Variants in MACROD2 observed in about 807,000 individuals in gnomAD.
The protein encoded by MACROD2 is mono-ADP ribosylhydrolase 2, also known as ADP-ribose glycohydrolase MACROD2.
MACROD2 carries 36 observed loss-of-function variants against 70.4 expected under a neutral mutation model. The ratio of observed to expected loss-of-function variants is 0.51; its 90% confidence interval spans 0.39 to 0.68. The LOEUF (loss-of-function observed/expected upper bound fraction) is 0.68. Among genes scored for constraint, MACROD2 ranks in the 30% least tolerant of loss-of-function variants. The pLI is 0.00. For missense variants in MACROD2, 496 were observed against 538.4 expected (o/e 0.92, Z 0.78); for synonymous variants, 172 against 178.8 (o/e 0.96, Z 0.30).
At chr20:14,465,081 G>T (rs937380342) in intron 3 of MACROD2, among the ~76,000 whole-genome samples, 6 of 151,938 alleles carry the variant, frequency 3.9e-5, no homozygotes, top group African/African-American at 1.5e-4. Context: ...TTCCATTCCT[G>T]GATATCCTTG....
chr20:14,954,122 C>A (rs192473711), intron 5 of MACROD2, among the ~76,000 whole-genome samples: 20 of 152,102 alleles, frequency 1.3e-4, no homozygotes, highest in African/African-American at 4.6e-4. Context: ...GGTGTTAAAA[C>A]AAGTTTATAA....
At chr20:15,357,559 A>G (rs1487039578) in intron 6 of MACROD2, among the ~76,000 whole-genome samples, 1 of 152,144 alleles carries the variant, frequency 6.6e-6, no homozygotes, top group Non-Finnish European at 1.5e-5. Flanking sequence ...AATATGACCA[A>G]TATCCAGATA....
chr20:15,865,916 A>G (rs62196574), intron 9 of MACROD2, among the ~76,000 whole-genome samples: 2,078 of 152,306 alleles, frequency 0.014, 25 homozygotes, highest in Non-Finnish European at 0.022. Flanking sequence ...GAAAACACTC[A>G]GGAAGCAGGA....
intron 5 of MACROD2, among the ~76,000 whole-genome samples, chr20:15,216,770 C>A (rs536090699): frequency 1.8e-4 from 28 of 152,242 alleles, no homozygotes; most frequent in African/African-American, 5.8e-4. Context: ...TGAGAGTAAG[C>A]GCTTTTCTCA....
chr20:14,891,598 C>T (rs1028174315), intron 5 of MACROD2, among the ~76,000 whole-genome samples: 1 of 152,156 alleles, frequency 6.6e-6, no homozygotes, highest in African/African-American at 2.4e-5. Context: ...TATGCTCATT[C>T]TGTCTGATCC....
At chr20:15,636,067 C>T (rs1338665388) in intron 8 of MACROD2, among the ~76,000 whole-genome samples, 1 of 8,586 alleles carries the variant, frequency 1.2e-4, no homozygotes, top group Non-Finnish European at 4.3e-4. Context: ...GCGAGGCTCC[C>T]TCTCAAAAGA....
intron 6 of MACROD2, among the ~76,000 whole-genome samples, chr20:15,300,123 C>A (rs766467965): frequency 2.0e-5 from 3 of 152,134 alleles, no homozygotes; most frequent in Middle Eastern, 3.4e-3. Flanking sequence ...AGTATGATGG[C>A]AATTACTGAC....
At chr20:15,812,307 T>C (rs2063829608) in intron 8 of MACROD2, among the ~76,000 whole-genome samples, 1 of 152,258 alleles carries the variant, frequency 6.6e-6, no homozygotes, top group Non-Finnish European at 1.5e-5. Flanking sequence ...TATTTGGGGC[T>C]GTCTAGACTA....
chr20:15,639,128 CA>C (rs1275037196), intron 8 of MACROD2, among the ~76,000 whole-genome samples: 4 of 152,110 alleles, frequency 2.6e-5, no homozygotes, highest in African/African-American at 9.7e-5. Context: ...ACAAAAGAGC[CA>C]TTTCTAAGAA....
At chr20:14,702,295 C>T (rs1334161288) in intron 5 of MACROD2, among the ~76,000 whole-genome samples, 2 of 151,080 alleles carry the variant, frequency 1.3e-5, no homozygotes, top group African/African-American at 4.9e-5. Context: ...ATAAAATAAC[C>T]AGTTATTTCT....
chr20:15,918,363 A>AG (rs1326412429), intron 10 of MACROD2, among the ~76,000 whole-genome samples: 13 of 152,330 alleles, frequency 8.5e-5, no homozygotes, highest in Admixed American at 7.8e-4. Context: ...GAATGGTTCA[A>AG]GTAGTATATG....
At chr20:15,715,496 TTACTG>T (rs2050695750) in intron 8 of MACROD2, among the ~76,000 whole-genome samples, 2 of 152,192 alleles carry the variant, frequency 1.3e-5, no homozygotes, top group Admixed American at 1.3e-4. Flanking sequence ...TATACAAATT[TTACTG>T]ATGTTTTTGC....
intron 5 of MACROD2, among the ~76,000 whole-genome samples, chr20:14,902,023 A>G (rs2073900471): frequency 6.6e-6 from 1 of 152,176 alleles, no homozygotes; most frequent in South Asian, 2.1e-4. Context: ...TAATAGCTAT[A>G]TTTCTGAAAA....
intron 5 of MACROD2, among the ~76,000 whole-genome samples, chr20:14,969,801 C>T (rs6043037): frequency 0.022 from 3,348 of 151,876 alleles, 134 homozygotes; most frequent in African/African-American, 0.075. Context: ...GGTCATGGGC[C>T]CTCCAAGAAT....
intron 5 of MACROD2, among the ~76,000 whole-genome samples, chr20:15,140,777 C>G (rs2076185957): frequency 6.6e-6 from 1 of 152,060 alleles, no homozygotes; most frequent in Non-Finnish European, 1.5e-5. Flanking sequence ...CCCTTAGGGA[C>G]CTTAATTTAG....
intron 3 of MACROD2, among the ~76,000 whole-genome samples, chr20:14,382,096 C>A (rs1348207766): frequency 7.4e-6 from 1 of 135,914 alleles, no homozygotes; most frequent in African/African-American, 2.8e-5. Context: ...GAGTCTCGCT[C>A]TGTCGCCCAA....
intron 8 of MACROD2, among the ~76,000 whole-genome samples, chr20:15,791,786 TA>T (rs1444488977): frequency 6.6e-6 from 1 of 151,968 alleles, no homozygotes; most frequent in Non-Finnish European, 1.5e-5. Flanking sequence ...GAATTCTTAG[TA>T]AAATTAGAGA....
chr20:14,506,685 T>G (rs2084972730), intron 4 of MACROD2, among the ~76,000 whole-genome samples: 1 of 152,144 alleles, frequency 6.6e-6, no homozygotes, highest in South Asian at 2.1e-4. Flanking sequence ...GCCTGGTGGG[T>G]CACGCCTGTA....
chr20:15,886,321 G>T (rs1160945626), intron 10 of MACROD2, among the ~76,000 whole-genome samples: 1 of 152,162 alleles, frequency 6.6e-6, no homozygotes, highest in Non-Finnish European at 1.5e-5. Context: ...TGTGGCCTGG[G>T]CTTCCTCAAA....
Sources: allele counts gnomAD v4.1 joint callset (sites outside exome capture counted in the v4.1 genomes callset), GRCh38; gene constraint gnomAD v4.1.1; transcripts MANE v1.5; gene names NCBI Gene and HGNC (gene_info 2026-07-23, HGNC 2026-07-21).